ZNF385D: variants seen among roughly 807,000 people sequenced by gnomAD.
ZNF385D encodes zinc finger protein 385D.
A neutral mutation model predicts 35.8 loss-of-function variants in ZNF385D; 15 were observed. That is an observed-to-expected ratio of 0.42 (90% CI 0.28 to 0.64). The LOEUF (loss-of-function observed/expected upper bound fraction) is 0.64. Ranked by LOEUF, ZNF385D falls within the 30% of genes least tolerant of loss-of-function variation. The probability of loss-of-function intolerance (pLI) is 0.23; values close to 1 mark genes in which losing one functional copy is unlikely to be tolerated. For missense variants in ZNF385D, 474 were observed against 494.6 expected (o/e 0.96, Z 0.39); for synonymous variants, 212 against 186.8 (o/e 1.13, Z -1.10).
chr3:21,982,396 T>G (rs1694520759), intron 3 of ZNF385D, among the ~76,000 whole-genome samples: 1 of 152,160 alleles, frequency 6.6e-6, no homozygotes, highest in Non-Finnish European at 1.5e-5. Flanking sequence ...CTGTTGTTGG[T>G]GTCTAGGAAT....
intron 2 of ZNF385D, among the ~76,000 whole-genome samples, chr3:22,328,602 A>C (rs962167538): frequency 7.3e-5 from 11 of 151,070 alleles, no homozygotes; most frequent in African/African-American, 2.4e-4. Flanking sequence ...ACCTCTACTA[A>C]AAATACAAAA....
chr3:21,769,418 A>C (rs1022286818), intron 3 of ZNF385D, among the ~76,000 whole-genome samples: 13 of 117,106 alleles, frequency 1.1e-4, no homozygotes, highest in Admixed American at 1.8e-4. Flanking sequence ...TGCAAAAATC[A>C]CATGCATTCT....
At chr3:21,430,734 A>G (rs1048405335) in intron 5 of ZNF385D, among the ~76,000 whole-genome samples, 3 of 152,166 alleles carry the variant, frequency 2.0e-5, no homozygotes, top group African/African-American at 7.2e-5. Flanking sequence ...TCTTCTCCTT[A>G]AAAACAAGGC....
chr3:22,369,679 C>A (rs1696811457), intron 2 of ZNF385D, among the ~76,000 whole-genome samples: 1 of 152,080 alleles, frequency 6.6e-6, no homozygotes, highest in South Asian at 2.1e-4. Context: ...TTGATAATTC[C>A]ATTCATGTAT....
At chr3:21,659,377 G>A (rs1575412715) in intron 2 of ZNF385D, among the ~76,000 whole-genome samples, 1 of 152,096 alleles carries the variant, frequency 6.6e-6, no homozygotes, top group Non-Finnish European at 1.5e-5. Flanking sequence ...ACGCATCTAT[G>A]TGTTTTCCTC....
chr3:21,423,247 CTTTA>C (rs899835814), intron 7 of ZNF385D, among the ~76,000 whole-genome samples: 6 of 152,230 alleles, frequency 3.9e-5, no homozygotes, highest in African/African-American at 7.2e-5. Context: ...TGCAGTTTTC[CTTTA>C]TTTATGTTTT....
At chr3:21,562,189 T>G (rs961265929) in intron 3 of ZNF385D, 4 of 152,154 alleles carry the variant, frequency 2.6e-5, no homozygotes, top group Non-Finnish European at 5.9e-5. Context: ...ACAAAATAAA[T>G]TGCTACTCTC....
At chr3:21,960,189 C>A (rs1221568216) in intron 3 of ZNF385D, among the ~76,000 whole-genome samples, 2 of 151,634 alleles carry the variant, frequency 1.3e-5, no homozygotes, top group African/African-American at 2.4e-5. Context: ...AGAAACTCAA[C>A]AACTAAACAG....
At chr3:21,571,848 C>T (rs1417181853) in intron 2 of ZNF385D, among the ~76,000 whole-genome samples, 1 of 152,184 alleles carries the variant, frequency 6.6e-6, no homozygotes, top group African/African-American at 2.4e-5. Context: ...AGGGCTAGAA[C>T]TAGGAGGATA....
chr3:22,350,820 T>C (rs1169131581), intron 2 of ZNF385D, among the ~76,000 whole-genome samples: 1 of 152,136 alleles, frequency 6.6e-6, no homozygotes, highest in Non-Finnish European at 1.5e-5. Flanking sequence ...TCATCACATT[T>C]TAAAGATACT....
At chr3:22,218,864 T>G (rs1698063992) in intron 2 of ZNF385D, among the ~76,000 whole-genome samples, 1 of 152,170 alleles carries the variant, frequency 6.6e-6, no homozygotes, top group Non-Finnish European at 1.5e-5. Context: ...CTGAGATATC[T>G]AGGTAGCCAT....
chr3:21,859,729 A>T (rs747691304), intron 3 of ZNF385D, among the ~76,000 whole-genome samples: 1 of 151,616 alleles, frequency 6.6e-6, no homozygotes, highest in Non-Finnish European at 1.5e-5. Context: ...GAATTGAAAG[A>T]TAAGAAAAAT....
intron 3 of ZNF385D, among the ~76,000 whole-genome samples, chr3:21,817,054 G>A (rs972562151): frequency 4.6e-5 from 7 of 152,084 alleles, no homozygotes; most frequent in African/African-American, 1.4e-4. Context: ...TCTGATCTTT[G>A]ACAAACCTGA....
Position 21,670,764 on chromosome 3 carries a change from C to T in ZNF385D, c.23-5736G>A, listed in dbSNP as rs189455464. Among the ~76,000 whole-genome samples the T allele has an allele frequency of 3.1e-3, 447 of 145,866 alleles. 2 individuals carry two copies. The highest frequency in any genetic ancestry group is 0.011 in the African/African-American group (433 of 39,580). The stretch of plus-strand genomic sequence containing the variant: ...CCATGAAGGGATGGGAGATCAGACA[C>T]GCCTACTTATACCCCCTCCCTCACT... On this transcript the variant is annotated intron_variant, in intron 1 of 7. Coordinates refer to ENST00000281523, the MANE Select transcript of ZNF385D (RefSeq NM_024697.3).
At chr3:22,315,374 A>T (rs968435935) in intron 2 of ZNF385D, among the ~76,000 whole-genome samples, 1 of 152,214 alleles carries the variant, frequency 6.6e-6, no homozygotes, top group South Asian at 2.1e-4. Context: ...ATCAAGGTTA[A>T]TGTCTAAAAT....
intron 2 of ZNF385D, among the ~76,000 whole-genome samples, chr3:22,261,102 TCC>T (rs1700605759): frequency 1.4e-5 from 2 of 145,522 alleles, no homozygotes; most frequent in Non-Finnish European, 3.0e-5. Context: ...TATCCATCCA[TCC>T]ATCCATCCAT....
chr3:21,616,313 A>C (rs982759524), intron 2 of ZNF385D, among the ~76,000 whole-genome samples: 57 of 152,162 alleles, frequency 3.7e-4, no homozygotes, highest in African/African-American at 1.3e-3. Context: ...TGGGTAATAG[A>C]AACAGGGCAA....
chr3:21,754,396 C>G (rs1382790559), upstream of ZNF385D, among the ~76,000 whole-genome samples: 1 of 152,158 alleles, frequency 6.6e-6, no homozygotes, highest in Non-Finnish European at 1.5e-5. Context: ...GTCAGTTCAT[C>G]TGGGGTCAGC....
intron 3 of ZNF385D, among the ~76,000 whole-genome samples, chr3:21,767,811 G>C (rs890736542): frequency 1.3e-5 from 2 of 151,910 alleles, no homozygotes; most frequent in Admixed American, 1.3e-4. Flanking sequence ...CCGTTCTTTT[G>C]GAACGCTTTA....
Sources: gnomAD v4.1 joint callset for allele counts (sites outside exome capture counted in the v4.1 genomes callset) on GRCh38, gnomAD v4.1.1 for gene constraint, MANE v1.5 for transcripts, NCBI Gene and HGNC (gene_info 2026-07-23, HGNC 2026-07-21) for gene names.